Variants in C19orf47 observed in about 807,000 individuals in gnomAD.
The protein encoded by C19orf47 is uncharacterized protein C19orf47.
In C19orf47, 18 loss-of-function variants were observed where a neutral mutation model predicts 32.3. The observed-to-expected ratio is 0.56, with a 90% confidence interval of 0.39 to 0.83. The LOEUF (loss-of-function observed/expected upper bound fraction) is 0.83. C19orf47 is among the 40% of genes least tolerant of loss of function. C19orf47 has a pLI of 0.00. For missense variants in C19orf47, 484 were observed against 531.6 expected, an observed-to-expected ratio of 0.91 and a Z score of 0.88; for synonymous variants, 202 against 211.1, an observed-to-expected ratio of 0.96 and a Z score of 0.37.
chr19:40,338,120 G>T (rs1803541180), intron 2 of C19orf47, among the ~76,000 whole-genome samples: 1 of 151,790 alleles, frequency 6.6e-6, no homozygotes, highest in Non-Finnish European at 1.5e-5. Flanking sequence ...TGTCGCCTAG[G>T]CCAGAGTGCA....
At chr19:40,305,635 G>A in the C19orf47 span, among the ~76,000 whole-genome samples, 3 of 152,032 alleles carry the variant, frequency 2.0e-5, no homozygotes, top group Admixed American at 6.6e-5. Flanking sequence ...GCTCTTACAC[G>A]ACACCTAAAT....
At chr19:40,298,272 G>A in the C19orf47 span, among the ~76,000 whole-genome samples, 3 of 149,446 alleles carry the variant, frequency 2.0e-5, no homozygotes, top group African/African-American at 7.4e-5. Context: ...TTGCTCTCCA[G>A]CCTGGGCTAT....
At chr19:40,304,986 T>C in the C19orf47 span, among the ~76,000 whole-genome samples, 2 of 152,092 alleles carry the variant, frequency 1.3e-5, no homozygotes, top group African/African-American at 2.4e-5. Context: ...CCCAGCACTT[T>C]GGAAAGCTGA....
chr19:40,321,400 GGA>G lies in C19orf47; in HGVS notation c.*480_*481del. On this transcript the variant is annotated 3_prime_UTR_variant, in exon 9 of 9. Coordinates refer to ENST00000683109, the MANE Select transcript of C19orf47 (RefSeq NM_001256441.2). ...AGAGAAATGAACAAAGTGAAGACAG[GGA>G]GAGAGAGAAGTCACAGCAGTGGGGG... The G allele has an allele frequency of 2.0e-6, 2 of 993,476 alleles. No homozygotes were observed. The highest frequency in any genetic ancestry group is 5.8e-5 in the Admixed American group (1 of 17,190). 61.5% of individuals were successfully genotyped at this position (993,476 alleles called of 1,614,324 possible).
chr19:40,322,396 GATGA>G lies in C19orf47; in HGVS notation c.664-24_664-21del. ...TGTGGGCTGTGGAGGTCAGAGACAG[GATGA>G]ATGAGTCACTGAGTCACTCAACACA... On this transcript the variant is annotated intron_variant, in intron 8 of 8. Coordinates refer to ENST00000683109, the MANE Select transcript of C19orf47 (RefSeq NM_001256441.2). 6.5e-7 allele frequency: 1 copy of G among 1,545,292 alleles called. No homozygotes were observed. The highest frequency in any genetic ancestry group is 8.7e-7 in the Non-Finnish European group (1 of 1,144,658).
chr19:40,318,805 C>T (rs1255410578), downstream of C19orf47, among the ~76,000 whole-genome samples: 1 of 152,108 alleles, frequency 6.6e-6, no homozygotes, highest in Non-Finnish European at 1.5e-5. Flanking sequence ...CCTTCACACC[C>T]CATCCCCAGT....
rs2077741112 is a variant in C19orf47 at position 40,322,467 on chromosome 19, A to G, written c.664-91T>C. On this transcript the variant is annotated intron_variant, in intron 8 of 8. Transcript: ENST00000683109. ...CTTCCTCTGTGCCTGGCCTCCTGGG[A>G]CTCACAGTTGGGAGAAACACCCATC... The G allele has an allele frequency of 3.6e-6, 5 of 1,400,906 alleles. No homozygotes were observed. The Admixed American group carries it at 1.4e-4, about 38-fold the overall frequency. 86.8% of individuals were successfully genotyped at this position (1,400,906 alleles called of 1,614,324 possible).
chr19:40,297,712 A>AAC, the C19orf47 span, among the ~76,000 whole-genome samples: 2 of 62,704 alleles, frequency 3.2e-5, no homozygotes, highest in African/African-American at 6.4e-5. Flanking sequence ...AAAAAAAAAA[A>AAC]AAAAAAAAAA....
chr19:40,296,406 G>A, the C19orf47 span, among the ~76,000 whole-genome samples: 9 of 151,850 alleles, frequency 5.9e-5, no homozygotes, highest in Non-Finnish European at 1.2e-4. Context: ...TCAGCATCCC[G>A]AGTAGCTGGG....
At chr19:40,313,453 C>T in the C19orf47 span, among the ~76,000 whole-genome samples, 1 of 152,048 alleles carries the variant, frequency 6.6e-6, no homozygotes, top group African/African-American at 2.4e-5. Flanking sequence ...GCCACCCAAG[C>T]AGCTGGGACT....
chr19:40,302,280 C>A, the C19orf47 span, among the ~76,000 whole-genome samples: 1 of 151,954 alleles, frequency 6.6e-6, no homozygotes, highest in Non-Finnish European at 1.5e-5. Flanking sequence ...TATTTTTTTC[C>A]TTGAAACAGG....
chr19:40,333,530 AC>A (rs1395984129), intron 5 of C19orf47, among the ~76,000 whole-genome samples: 1 of 152,174 alleles, frequency 6.6e-6, no homozygotes, highest in Non-Finnish European at 1.5e-5. Context: ...ATATTTGACG[AC>A]AGGCTTGCAG....
rs1338837643 is a variant in C19orf47 at position 40,321,656 on chromosome 19, G to A, written c.*226C>T. ...CACAGCCAGAGAAGAAAGCACAGAG[G>A]ACATGAGAGAAGGGGAGTCCTGGAG... is the stretch of plus-strand genomic sequence containing the variant. On this transcript the variant is annotated 3_prime_UTR_variant, in exon 9 of 9. Coordinates refer to ENST00000683109, the MANE Select transcript of C19orf47 (RefSeq NM_001256441.2). The A allele has an allele frequency of 3.6e-6, 5 of 1,384,072 alleles. No individual in the cohort carries two copies. The highest frequency in any genetic ancestry group is 2.8e-6 in the Non-Finnish European group (3 of 1,074,770). The allele number at this position is 1,384,072 out of a possible 1,614,324, so 85.7% of individuals were successfully genotyped here.
the C19orf47 span, among the ~76,000 whole-genome samples, chr19:40,312,650 CAT>C: frequency 6.6e-6 from 1 of 152,168 alleles, no homozygotes; most frequent in South Asian, 2.1e-4. Flanking sequence ...AGGAAGAAGT[CAT>C]GTGTAGGCAT....
rs946422456 is a variant in C19orf47 at position 40,348,352 on chromosome 19, G to A, written c.-62C>T. The A allele has an allele frequency of 8.9e-6, 12 of 1,355,538 alleles. No individual in the cohort carries two copies. The highest frequency in any genetic ancestry group is 3.1e-5 in the African/African-American group (2 of 65,298). The allele number at this position is 1,355,538 out of a possible 1,614,324, so 84.0% of individuals were successfully genotyped here. A position where few individuals can be genotyped will look rare whatever the true frequency, so the allele number is the denominator to read the frequency against. On this transcript the variant is annotated 5_prime_UTR_variant, in exon 1 of 9. Coordinates refer to ENST00000683109, the MANE Select transcript of C19orf47 (RefSeq NM_001256441.2). ...GCCCACCGGGCCCGCGCCCACTCGC[G>A]CCGCCCGCCCTCCCTCCCGGCGGCG...
At chr19:40,348,187 G>A (rs2078364156) in intron 1 of C19orf47, 137 bp downstream of exon 1, 3 of 511,598 alleles carry the variant, frequency 5.9e-6, no homozygotes, top group Non-Finnish European at 9.2e-6. Flanking sequence ...ATTCCACAGG[G>A]GAGGAAACTG....
chr19:40,336,553 C>A, intron 2 of C19orf47, 146 bp from the exon 3 acceptor site: 2 of 694,500 alleles, frequency 2.9e-6, no homozygotes, highest in Non-Finnish European at 2.5e-6. Context: ...CATGATGGAA[C>A]TGAGCCTTCC....
At chr19:40,326,630 G>A (rs1341956280) in intron 6 of C19orf47, 144 bp from the exon 7 acceptor site, 9 of 1,024,726 alleles carry the variant, frequency 8.8e-6, no homozygotes, top group African/African-American at 1.6e-5. Context: ...ACCACTGACC[G>A]AACCACAGAG....
At chr19:40,338,322 A>AAT (rs902873946) in intron 2 of C19orf47, among the ~76,000 whole-genome samples, 6 of 146,086 alleles carry the variant, frequency 4.1e-5, no homozygotes, top group Non-Finnish European at 7.5e-5. Flanking sequence ...TATATACACA[A>AAT]ATATATATAT....
Sources: gnomAD v4.1 joint callset for allele counts (sites outside exome capture counted in the v4.1 genomes callset) on GRCh38, gnomAD v4.1.1 for gene constraint, MANE v1.5 for transcripts, NCBI Gene and HGNC (gene_info 2026-07-23, HGNC 2026-07-21) for gene names.